The following RNF17 variants were observed in gnomAD, a reference collection of about 807,000 sequenced individuals.
RNF17 encodes ring finger protein 17.
In RNF17, 31 loss-of-function variants were observed where a neutral mutation model predicts 200.5. The observed-to-expected ratio is 0.15, with a 90% confidence interval of 0.12 to 0.21. The LOEUF is 0.21. Among genes scored for constraint, RNF17 ranks in the 10% least tolerant of loss-of-function variants. The pLI is 1.00. For missense variants in RNF17, 1,628 were observed against 1,905.1 expected, an observed-to-expected ratio of 0.85 and a Z score of 2.71; for synonymous variants, 606 against 637.8, an observed-to-expected ratio of 0.95 and a Z score of 0.75.
chr13:24,789,455 C>G (rs1296326930), intron 8 of RNF17, 31 bp downstream of exon 8: 3 of 1,423,644 alleles, frequency 2.1e-6, no homozygotes, highest in Middle Eastern at 1.8e-4. Context: ...GAGACCATAA[C>G]AAGTATAAAG....
intron 2 of RNF17, among the ~76,000 whole-genome samples, 166 bp from the exon 3 acceptor site, chr13:24,774,647 T>C (rs1319906035): frequency 6.6e-6 from 1 of 152,170 alleles, no homozygotes; most frequent in Admixed American, 6.5e-5. Flanking sequence ...TTAAAGTGGG[T>C]CAAAAACTCA....
upstream of RNF17, among the ~76,000 whole-genome samples, chr13:24,762,692 GA>G (rs1878888275): frequency 1.3e-5 from 2 of 152,122 alleles, no homozygotes; most frequent in Non-Finnish European, 2.9e-5. Context: ...AGTGTAGAGA[GA>G]AAAGAAAATG....
At chr13:24,842,200 C>CT in intron 19 of RNF17, 39 bp downstream of exon 19, 1 of 1,532,834 alleles carries the variant, frequency 6.5e-7, no homozygotes, top group Non-Finnish European at 8.9e-7. Flanking sequence ...AGTTCATGTT[C>CT]TTATGTAACA....
At chr13:24,809,750 T>G (rs74578916) in intron 15 of RNF17, among the ~76,000 whole-genome samples, 22,092 of 152,168 alleles carry the variant, frequency 0.15, 1,640 homozygotes, top group African/African-American at 0.16. Flanking sequence ...CAATTTTGGA[T>G]CTTTCCTGCT....
the RNF17 span, among the ~76,000 whole-genome samples, chr13:24,757,310 A>C: frequency 2.7e-5 from 4 of 150,462 alleles, no homozygotes; most frequent in East Asian, 6.0e-4. Flanking sequence ...GGGCTCTGCC[A>C]GGACAATATT....
chr13:24,839,367 A>G (rs1261024283), intron 18 of RNF17, among the ~76,000 whole-genome samples: 1 of 152,222 alleles, frequency 6.6e-6, no homozygotes, highest in Non-Finnish European at 1.5e-5. Context: ...CATTCTTCAG[A>G]GAATTAGAAA....
chr13:24,834,017 T>C (rs1004639607), intron 18 of RNF17, among the ~76,000 whole-genome samples: 2 of 152,170 alleles, frequency 1.3e-5, no homozygotes, highest in African/African-American at 4.8e-5. Flanking sequence ...GATCAAAGTT[T>C]ATTGAGGCTC....
At position 24,879,196 on chromosome 13, in the gene RNF17, C is replaced by A. The variant is rs1771412787; in HGVS notation, c.4783C>A (p.Pro1595Thr). The stretch of plus-strand genomic sequence containing the variant: ...TATCTTTTAATTTTAGGCTCCAGCA[C>A]CAGAACAGATAGTGACATTATATGA... ...QLYAVSMAPA[P>T]EQIVTLYDDE... is the part of the protein sequence containing the mutation. Residue 1595 changes from proline (P) to threonine (T), a missense_variant, in exon 35 of 36, where the codon CCA becomes ACA. By Grantham distance (38) the Pro-to-Thr change is conservative (BLOSUM62 -1). Transcript: ENST00000255324. 2 of 1,612,378 alleles carry A rather than the reference C, an allele frequency of 1.2e-6. No homozygotes were observed. The highest frequency in any genetic ancestry group is 2.2e-5 in the East Asian group (1 of 44,870).
chr13:24,850,231 A>G (rs9511476), intron 22 of RNF17, 110 bp from the exon 23 acceptor site: 143,138 of 567,080 alleles, frequency 0.25, 19,726 homozygotes, highest in Non-Finnish European at 0.28. Context: ...TTTACTACAT[A>G]TAGTTGGTTC....
At chr13:24,754,956 T>C in the RNF17 span, among the ~76,000 whole-genome samples, 1 of 151,400 alleles carries the variant, frequency 6.6e-6, no homozygotes, top group Admixed American at 6.6e-5. Context: ...TTTATATAGT[T>C]ACATAATTAC....
intron 1 of RNF17, 35 bp downstream of exon 1, chr13:24,764,368 A>G: frequency 3.2e-6 from 5 of 1,543,774 alleles, no homozygotes; most frequent in Non-Finnish European, 4.4e-6. Context: ...GCGGGGAGGC[A>G]GCCTGGAGGG....
At chr13:24,750,218 T>C in the RNF17 span, among the ~76,000 whole-genome samples, 2 of 152,264 alleles carry the variant, frequency 1.3e-5, no homozygotes, top group Non-Finnish European at 2.9e-5. Context: ...TCACAAAATT[T>C]TGATGGCACA....
chr13:24,854,874 A>G (rs1453669080), intron 25 of RNF17, among the ~76,000 whole-genome samples: 1 of 152,224 alleles, frequency 6.6e-6, no homozygotes, highest in Admixed American at 6.5e-5. Flanking sequence ...TAAGATGAGT[A>G]GCCACATACA....
chr13:24,804,755 C>G (rs938931464), intron 15 of RNF17, among the ~76,000 whole-genome samples: 2 of 151,730 alleles, frequency 1.3e-5, no homozygotes, highest in Admixed American at 1.3e-4. Context: ...GAAAATTTAC[C>G]GATTATTATT....
the RNF17 span, among the ~76,000 whole-genome samples, chr13:24,759,107 CACTT>C: frequency 7.6e-6 from 1 of 131,432 alleles, no homozygotes; most frequent in South Asian, 2.6e-4. Flanking sequence ...AAAAAAACAA[CACTT>C]ACATTCTAAA....
intron 2 of RNF17, among the ~76,000 whole-genome samples, chr13:24,773,097 G>C (rs1881024462): frequency 6.6e-6 from 1 of 152,200 alleles, no homozygotes. Context: ...AATGCTTATA[G>C]ACTGTTGGTG....
chr13:24,844,649 T>C lies in RNF17; in HGVS notation c.2832-3T>C, dbSNP rs576435708. The C allele has an allele frequency of 3.8e-6, 6 of 1,576,428 alleles. No homozygotes were observed. In the East Asian group the frequency reaches 6.7e-5, roughly 18 times the overall value. ...GAAAGTTAAATATTTTTTATCTCTA[T>C]AGTTTAGAAGAAAAGATGATAGCTG... On this transcript the variant is annotated splice_region_variant and splice_polypyrimidine_tract_variant and intron_variant, in intron 20 of 35. Transcript: ENST00000255324.
Position 24,799,012 on chromosome 13 carries a change from ACAT to A in RNF17, c.1400-380_1400-378del, listed in dbSNP as rs1355446504. On this transcript the variant is annotated intron_variant, in intron 11 of 35. Transcript: ENST00000255324. ...TATGTGTATGTCAGTGTACATGTGT[ACAT>A]CACAAAGACAGATGGTCTTGCTTGT... is the stretch of plus-strand genomic sequence containing the variant. Among the ~76,000 whole-genome samples, 3 of 152,210 alleles carry A rather than the reference ACAT, an allele frequency of 2.0e-5. No homozygotes were observed. In the East Asian group the frequency reaches 5.8e-4, roughly 29 times the overall value.
chr13:24,803,517 T>G (rs1373975426), intron 14 of RNF17, among the ~76,000 whole-genome samples: 2 of 152,212 alleles, frequency 1.3e-5, no homozygotes, highest in Non-Finnish European at 2.9e-5. Flanking sequence ...CAGGCTGGTC[T>G]TGAACTCCTG....
Sources: gnomAD v4.1 joint callset for allele counts (sites outside exome capture counted in the v4.1 genomes callset) on GRCh38, gnomAD v4.1.1 for gene constraint, MANE v1.5 for transcripts, NCBI Gene and HGNC (gene_info 2026-07-23, HGNC 2026-07-21) for gene names.